The following CEP83 variants were observed in gnomAD, a reference collection of about 807,000 sequenced individuals.
The protein encoded by CEP83 is centrosomal protein of 83 kDa.
In CEP83, 70 loss-of-function variants were observed where a neutral mutation model predicts 101.9. The observed-to-expected ratio is 0.69, with a 90% confidence interval of 0.57 to 0.84. CEP83 has a LOEUF of 0.84. CEP83 is among the 40% of genes least tolerant of loss of function. The pLI is 0.00. For missense variants in CEP83, 715 were observed against 787.2 expected (o/e 0.91, Z 1.10); for synonymous variants, 264 against 267.9 (o/e 0.99, Z 0.14).
the CEP83 span, chr12:94,301,077 T>G: frequency 3.7e-6 from 6 of 1,611,270 alleles, no homozygotes; most frequent in African/African-American, 8.0e-5. Context: ...AGCTTGAGTA[T>G]TTCTTGTATG....
chr12:94,395,265 C>T (rs2062813726), intron 6 of CEP83, among the ~76,000 whole-genome samples: 2 of 151,734 alleles, frequency 1.3e-5, no homozygotes, highest in South Asian at 4.2e-4. Flanking sequence ...AGCAACCCGA[C>T]ATGGCACATG....
chr12:94,316,743 A>G (rs1970761272), intron 14 of CEP83, among the ~76,000 whole-genome samples: 1 of 152,192 alleles, frequency 6.6e-6, no homozygotes, highest in Non-Finnish European at 1.5e-5. Flanking sequence ...TGTACCTGGC[A>G]AAGGACATTA....
intron 14 of CEP83, among the ~76,000 whole-genome samples, chr12:94,325,448 C>T (rs2058934028): frequency 1.3e-5 from 2 of 152,110 alleles, no homozygotes; most frequent in South Asian, 4.1e-4. Flanking sequence ...GCTGGGATTA[C>T]AGGCGTGAGT....
chr12:94,331,510 G>A (rs955491814), intron 14 of CEP83, among the ~76,000 whole-genome samples, 190 bp downstream of exon 14: 25 of 151,378 alleles, frequency 1.7e-4, no homozygotes, highest in Non-Finnish European at 3.2e-4. Flanking sequence ...GGGGCTACAG[G>A]CGCCCGCCAC....
At chr12:94,376,759 A>T (rs1385886439) in intron 7 of CEP83, among the ~76,000 whole-genome samples, 30 of 127,600 alleles carry the variant, frequency 2.4e-4, no homozygotes, top group South Asian at 7.1e-4. Flanking sequence ...TTTTTTTTTG[A>T]GACAAGGTCT....
chr12:94,423,933 G>A (rs2064984261), intron 2 of CEP83: 3 of 1,611,442 alleles, frequency 1.9e-6, no homozygotes, highest in South Asian at 2.2e-5. Flanking sequence ...AGGCAGAGAT[G>A]GCCCAGTTGC....
chr12:94,267,762 T>G, the CEP83 span, among the ~76,000 whole-genome samples: 1 of 152,148 alleles, frequency 6.6e-6, no homozygotes, highest in South Asian at 2.1e-4. Context: ...TATAAAAAAT[T>G]TAAGTTTTTC....
At chr12:94,371,803 C>T (rs1020721098) in intron 8 of CEP83, among the ~76,000 whole-genome samples, 4 of 152,152 alleles carry the variant, frequency 2.6e-5, no homozygotes, top group Admixed American at 6.5e-5. Context: ...GTCCTGAAAA[C>T]GTTTCAAGGA....
chr12:94,429,401 G>C (rs1037708246), intron 2 of CEP83, among the ~76,000 whole-genome samples: 1 of 152,200 alleles, frequency 6.6e-6, no homozygotes, highest in Non-Finnish European at 1.5e-5. Flanking sequence ...CAGAGAGGGA[G>C]CTCACGCTGG....
intron 5 of CEP83, chr12:94,402,655 T>C (rs1056825143): frequency 6.6e-6 from 1 of 152,378 alleles, no homozygotes; most frequent in Non-Finnish European, 1.5e-5. Context: ...ATCCCAACAC[T>C]TTGGGAGGCC....
chr12:94,359,304 C>T (rs762344037), intron 11 of CEP83, among the ~76,000 whole-genome samples: 14 of 151,832 alleles, frequency 9.2e-5, no homozygotes, highest in South Asian at 2.1e-4. Flanking sequence ...GAGCTGGTCT[C>T]GGCAAAAAGG....
chr12:94,386,583 A>G (rs916102474), intron 6 of CEP83, among the ~76,000 whole-genome samples: 1 of 152,190 alleles, frequency 6.6e-6, no homozygotes, highest in African/African-American at 2.4e-5. Flanking sequence ...TGGGGCAATC[A>G]TAGAGCTCTT....
chr12:94,332,696 T>C (rs2136500696), intron 13 of CEP83, among the ~76,000 whole-genome samples: 1 of 152,276 alleles, frequency 6.6e-6, no homozygotes, highest in African/African-American at 2.4e-5. Flanking sequence ...TGTCACATGC[T>C]ATGGACATTT....
chr12:94,402,186 T>A (rs2063295818), intron 5 of CEP83: 1 of 152,144 alleles, frequency 6.6e-6, no homozygotes, highest in Admixed American at 6.5e-5. Flanking sequence ...TGTAACAGAT[T>A]TTTACTTTTA....
At chr12:94,378,656 A>G in intron 7 of CEP83, 135 bp downstream of exon 7, 9 of 939,142 alleles carry the variant, frequency 9.6e-6, no homozygotes, top group Non-Finnish European at 1.4e-5. Context: ...CTAAAAGAAT[A>G]AATACTCTTG....
At chr12:94,420,782 AATTATTACAAATAG>A (rs1362302121) in intron 2 of CEP83, among the ~76,000 whole-genome samples, 2 of 152,170 alleles carry the variant, frequency 1.3e-5, no homozygotes, top group South Asian at 2.1e-4. Flanking sequence ...ATATACACTA[AATTATTACAAATAG>A]ATTATTACAA....
intron 2 of CEP83, among the ~76,000 whole-genome samples, chr12:94,426,603 G>A (rs1266220164): frequency 6.6e-6 from 1 of 152,122 alleles, no homozygotes; most frequent in Non-Finnish European, 1.5e-5. Flanking sequence ...ACAATAGTGG[G>A]CTGAATGCTA....
chr12:94,390,428 A>G (rs1320613068), intron 6 of CEP83, among the ~76,000 whole-genome samples: 1 of 152,220 alleles, frequency 6.6e-6, no homozygotes, highest in African/African-American at 2.4e-5. Flanking sequence ...AAATAGCAGC[A>G]GGATCAACAA....
In CEP83 at chr12:94,378,879, T is replaced by G. The variant is rs769090790; in HGVS notation, c.713A>C (p.Lys238Thr). The G allele has an allele frequency of 1.2e-6, 2 of 1,614,106 alleles. No homozygotes were observed. The highest frequency in any genetic ancestry group is 8.5e-7 in the Non-Finnish European group (1 of 1,179,968). The change falls in exon 7 of 17, where the codon AAG (lysine) becomes ACG (threonine). Residue 238 changes from lysine (K) to threonine (T), a missense_variant. Physicochemically the swap from Lys to Thr is moderately conservative, Grantham distance 78. Transcript: ENST00000397809. ...EAEVAELKAEKENSEAQVENA... is the reference protein window; with the variant it reads ...EAEVAELKAETENSEAQVENA... ...TTCCACCTGAGCCTCAGAATTCTCC[T>G]TTTCAGCCTTTAATTCCGCTACTTC...
Sources: gnomAD v4.1 joint callset for allele counts (sites outside exome capture counted in the v4.1 genomes callset) on GRCh38, gnomAD v4.1.1 for gene constraint, MANE v1.5 for transcripts, NCBI Gene and HGNC (gene_info 2026-07-23, HGNC 2026-07-21) for gene names.